Variants in AGMO observed in about 807,000 individuals in gnomAD.
AGMO encodes alkylglycerol monooxygenase, also known as glyceryl-ether monooxygenase.
A neutral mutation model predicts 60.2 loss-of-function variants in AGMO; 75 were observed. The observed-to-expected ratio is 1.25, with a 90% confidence interval of 1.03 to 1.51. The LOEUF is 1.51. Among genes scored for constraint, AGMO ranks in the 40% most tolerant of loss-of-function variants. The pLI is 0.00. For missense variants in AGMO, 763 were observed against 525.5 expected (o/e 1.45, Z -4.42); for synonymous variants, 261 against 177.1 (o/e 1.47, Z -3.76).
At position 15,248,223 on chromosome 7, in the gene AGMO, T is replaced by TA. The variant is rs1231410118; in HGVS notation, c.1264-46865dup. Reference sequence around the variant, plus strand: ...ATATATATATATATATATATATATATATCTTCATCTTCAATTCTAGTCTAA... The same window carrying TA: ...ATATATATATATATATATATATATATAATCTTCATCTTCAATTCTAGTCTAA... On this transcript the variant is annotated intron_variant, in intron 12 of 12. Coordinates refer to ENST00000342526, the MANE Select transcript of AGMO (RefSeq NM_001004320.2). Among the ~76,000 whole-genome samples the TA allele has an allele frequency of 2.1e-4, 24 of 111,988 alleles. 1 individual carries two copies. Among genetic ancestry groups the TA allele is most frequent in the Non-Finnish European group, 4.0e-4 (21 of 52,906 alleles). 73.5% of individuals were successfully genotyped at this position (111,988 alleles called of 152,430 possible). A position where few individuals can be genotyped will look rare whatever the true frequency, so the allele number is the denominator to read the frequency against.
intron 5 of AGMO, among the ~76,000 whole-genome samples, chr7:15,414,414 T>C (rs2128493222): frequency 6.6e-6 from 1 of 152,118 alleles, no homozygotes; most frequent in South Asian, 2.1e-4. Flanking sequence ...TGATAAGTAT[T>C]ATATTAATTC....
At chr7:15,463,489 A>G (rs1782199026) in intron 3 of AGMO, among the ~76,000 whole-genome samples, 1 of 152,182 alleles carries the variant, frequency 6.6e-6, no homozygotes, top group Non-Finnish European at 1.5e-5. Flanking sequence ...ACAGAAATAA[A>G]ATAATAAATT....
intron 12 of AGMO, among the ~76,000 whole-genome samples, chr7:15,230,280 A>G (rs1204145343): frequency 6.6e-6 from 1 of 152,186 alleles, no homozygotes; most frequent in African/African-American, 2.4e-5. Flanking sequence ...AGAGTATAAA[A>G]GTGCTTACAT....
intron 12 of AGMO, among the ~76,000 whole-genome samples, chr7:15,329,440 T>C (rs771946885): frequency 3.3e-5 from 5 of 152,104 alleles, no homozygotes; most frequent in Non-Finnish European, 7.4e-5. Context: ...CCAGAGGACA[T>C]GACAAGAAAT....
chr7:15,310,927 T>C (rs1404422143), intron 12 of AGMO, among the ~76,000 whole-genome samples: 4 of 152,102 alleles, frequency 2.6e-5, no homozygotes, highest in African/African-American at 9.7e-5. Flanking sequence ...GCAGGAGTAA[T>C]AGTGAGTCCT....
At chr7:15,294,400 G>C (rs190570719) in intron 12 of AGMO, among the ~76,000 whole-genome samples, 1 of 151,896 alleles carries the variant, frequency 6.6e-6, no homozygotes, top group African/African-American at 2.4e-5. Flanking sequence ...AGAAAAGCAA[G>C]AGAGTAAATT....
intron 12 of AGMO, among the ~76,000 whole-genome samples, chr7:15,240,780 T>C (rs1245606839): frequency 6.6e-6 from 1 of 152,156 alleles, no homozygotes; most frequent in African/African-American, 2.4e-5. Context: ...CCTGAACACA[T>C]GCAATATGCT....
the AGMO span, among the ~76,000 whole-genome samples, chr7:15,185,543 T>A: frequency 6.6e-6 from 1 of 152,194 alleles, no homozygotes; most frequent in Admixed American, 6.5e-5. Flanking sequence ...AGTGGTTCTT[T>A]CATGAAAAAC....
chr7:15,323,857 T>A (rs1040222353), intron 12 of AGMO, among the ~76,000 whole-genome samples: 2 of 152,212 alleles, frequency 1.3e-5, no homozygotes, highest in Non-Finnish European at 2.9e-5. Context: ...GCCAAATCTG[T>A]GTTTCTTTGC....
At chr7:15,522,132 C>T (rs901127000) in intron 3 of AGMO, among the ~76,000 whole-genome samples, 1 of 152,102 alleles carries the variant, frequency 6.6e-6, no homozygotes, top group Admixed American at 6.5e-5. Context: ...CATAGGAATA[C>T]AACTTACAAG....
rs371767857 is a variant in AGMO at position 15,255,634 on chromosome 7, A to G, written c.1264-54275T>C. Among the ~76,000 whole-genome samples, 7 of 152,264 alleles carry G rather than the reference A, an allele frequency of 4.6e-5. No homozygotes were observed. In the East Asian group the frequency reaches 7.7e-4, roughly 17 times the overall value. ...TCTTAACAAAATATTAGCAATCAGA[A>G]TTCAATAGCACATTAAAAAGATCTT... On this transcript the variant is annotated intron_variant, in intron 12 of 12. Coordinates refer to ENST00000342526, the MANE Select transcript of AGMO (RefSeq NM_001004320.2).
At chr7:15,245,739 AT>A (rs1246899772) in intron 12 of AGMO, among the ~76,000 whole-genome samples, 5 of 152,232 alleles carry the variant, frequency 3.3e-5, no homozygotes, top group Non-Finnish European at 7.3e-5. Context: ...AGTTAAAAAT[AT>A]TATTTAATTC....
chr7:15,295,460 T>A (rs932072415), intron 12 of AGMO, among the ~76,000 whole-genome samples: 2 of 151,984 alleles, frequency 1.3e-5, no homozygotes, highest in African/African-American at 4.8e-5. Context: ...ATACAATAAT[T>A]GCTATGGAGA....
At chr7:15,220,776 C>G (rs138786577) in intron 12 of AGMO, among the ~76,000 whole-genome samples, 1 of 151,850 alleles carries the variant, frequency 6.6e-6, no homozygotes, top group Admixed American at 6.6e-5. Flanking sequence ...ACAACATATG[C>G]TATTATTATT....
At chr7:15,302,034 A>G (rs972549511) in intron 12 of AGMO, among the ~76,000 whole-genome samples, 7 of 152,170 alleles carry the variant, frequency 4.6e-5, no homozygotes, top group Non-Finnish European at 7.4e-5. Context: ...TGTTAAGTGG[A>G]TATAGTATAA....
At chr7:15,383,193 A>C (rs1044013638) in intron 10 of AGMO, among the ~76,000 whole-genome samples, 7 of 152,130 alleles carry the variant, frequency 4.6e-5, no homozygotes, top group Non-Finnish European at 1.0e-4. Flanking sequence ...TTTGAATGGC[A>C]GTATTTTACC....
At chr7:15,391,051 T>A (rs1784118170) in intron 6 of AGMO, 146 bp from the exon 7 acceptor site, 1 of 552,772 alleles carries the variant, frequency 1.8e-6, no homozygotes, top group South Asian at 2.7e-5. Context: ...ATTTATAACA[T>A]CAGATTTTAT....
intron 12 of AGMO, among the ~76,000 whole-genome samples, chr7:15,360,133 C>A (rs568057339): frequency 7.4e-4 from 112 of 152,262 alleles, no homozygotes; most frequent in African/African-American, 2.6e-3. Flanking sequence ...ATCCACATGT[C>A]CACCCACCAA....
At chr7:15,430,673 T>C (rs935812122) in intron 4 of AGMO, among the ~76,000 whole-genome samples, 5 of 150,982 alleles carry the variant, frequency 3.3e-5, no homozygotes, top group African/African-American at 4.8e-5. Flanking sequence ...CTGAAATCCT[T>C]GTTACATATA....
Sources: gnomAD v4.1 joint callset for allele counts (sites outside exome capture counted in the v4.1 genomes callset) on GRCh38, gnomAD v4.1.1 for gene constraint, MANE v1.5 for transcripts, NCBI Gene and HGNC (gene_info 2026-07-23, HGNC 2026-07-21) for gene names.